NME7: variants seen among roughly 807,000 people sequenced by gnomAD.
The protein encoded by NME7 is nucleoside diphosphate kinase 7.
Under a neutral mutation model 49.1 loss-of-function variants are expected in NME7, and 41 were observed. The observed-to-expected ratio is 0.83, with a 90% CI of 0.65 to 1.08. The LOEUF (loss-of-function observed/expected upper bound fraction) is 1.08, where lower values mean the gene tolerates loss of function less well. NME7 is among the 50% of genes least tolerant of loss of function. The pLI is 0.00. For missense variants in NME7, 423 were observed against 463.4 expected (o/e 0.91, Z 0.80); for synonymous variants, 139 against 150.6 (o/e 0.92, Z 0.56).
chr1:169,260,014 A>C (rs1171498161), intron 7 of NME7, among the ~76,000 whole-genome samples: 2 of 133,802 alleles, frequency 1.5e-5, no homozygotes, highest in African/African-American at 5.1e-5. Flanking sequence ...CTGGTGAAAT[A>C]ACTGGGATGA....
intron 7 of NME7, among the ~76,000 whole-genome samples, chr1:169,273,167 T>C (rs1197664247): frequency 2.2e-5 from 3 of 133,384 alleles, no homozygotes; most frequent in African/African-American, 7.6e-5. Context: ...CATCAACCTA[T>C]CACATATAAT....
chr1:169,239,809 G>A (rs906579150), intron 7 of NME7, among the ~76,000 whole-genome samples: 1 of 152,006 alleles, frequency 6.6e-6, no homozygotes, highest in Non-Finnish European at 1.5e-5. Context: ...GTAAGGAGAT[G>A]TAAAACACCA....
intron 10 of NME7, among the ~76,000 whole-genome samples, chr1:169,225,905 C>T (rs1030145044): frequency 1.3e-5 from 2 of 152,162 alleles, no homozygotes; most frequent in Non-Finnish European, 2.9e-5. Flanking sequence ...TTAGGCTGAA[C>T]TTTCTTGTGA....
At chr1:169,352,994 A>G (rs903181896) in intron 1 of NME7, among the ~76,000 whole-genome samples, 2 of 152,128 alleles carry the variant, frequency 1.3e-5, no homozygotes, top group South Asian at 2.1e-4. Context: ...TACAGATTCA[A>G]TGCAATCACT....
At chr1:169,307,090 A>G (rs1651199659) in intron 4 of NME7, among the ~76,000 whole-genome samples, 1 of 152,210 alleles carries the variant, frequency 6.6e-6, no homozygotes, top group Non-Finnish European at 1.5e-5. Context: ...TGGTAAAACA[A>G]CTAAATAACA....
chr1:169,257,663 C>T (rs932932306), intron 7 of NME7, among the ~76,000 whole-genome samples: 2 of 134,182 alleles, frequency 1.5e-5, no homozygotes, highest in South Asian at 4.5e-4. Context: ...TATTCTGGTT[C>T]ATAATTGCCT....
intron 11 of NME7, chr1:169,169,009 ACCTG>A: frequency 2.3e-6 from 1 of 426,882 alleles, no homozygotes; most frequent in Non-Finnish European, 4.6e-6. Flanking sequence ...TGGTATAGTC[ACCTG>A]ATATAAAAAC....
chr1:169,278,565 G>C (rs138968532), intron 7 of NME7, among the ~76,000 whole-genome samples: 3,873 of 152,080 alleles, frequency 0.025, 142 homozygotes, highest in African/African-American at 0.087. Flanking sequence ...TCTCTGTATT[G>C]GTTATTCTAG....
intron 7 of NME7, among the ~76,000 whole-genome samples, chr1:169,250,441 T>TTTG (rs202074916): frequency 1.3e-5 from 2 of 152,016 alleles, no homozygotes; most frequent in African/African-American, 4.8e-5. Context: ...CTTTGGTATT[T>TTTG]TTGTTGTTGT....
intron 10 of NME7, among the ~76,000 whole-genome samples, chr1:169,188,847 T>C (rs529814490): frequency 9.2e-5 from 14 of 152,296 alleles, no homozygotes; most frequent in Non-Finnish European, 1.6e-4. Flanking sequence ...CTGGTAGTTA[T>C]TGAGGACAGT....
At chr1:169,244,098 T>C (rs1648207481) in intron 7 of NME7, among the ~76,000 whole-genome samples, 1 of 152,156 alleles carries the variant, frequency 6.6e-6, no homozygotes, top group East Asian at 1.9e-4. Flanking sequence ...AAACATCTGT[T>C]TGATCTTCTG....
chr1:169,149,272 C>T (rs982557121), intron 11 of NME7, among the ~76,000 whole-genome samples: 3 of 151,930 alleles, frequency 2.0e-5, no homozygotes, highest in Admixed American at 6.6e-5. Context: ...ACCTGGGAGG[C>T]GGAGGTTGCA....
intron 3 of NME7, 143 bp from the exon 4 acceptor site, chr1:169,310,223 TC>T: frequency 1.8e-6 from 1 of 547,606 alleles, no homozygotes. Context: ...ATTAAAGACA[TC>T]CCTTAAAAAC....
chr1:169,163,143 G>A (rs973529158), intron 11 of NME7, among the ~76,000 whole-genome samples: 1 of 152,160 alleles, frequency 6.6e-6, no homozygotes, highest in Non-Finnish European at 1.5e-5. Flanking sequence ...GATGAAGGAA[G>A]CAAGGAGAAA....
intron 1 of NME7, among the ~76,000 whole-genome samples, chr1:169,336,841 CAG>C (rs1472920305): frequency 6.6e-6 from 1 of 151,572 alleles, no homozygotes; most frequent in African/African-American, 2.4e-5. Flanking sequence ...CAGCTAGATA[CAG>C]AGTGTCGATT....
rs771450000 is a variant in NME7 at position 169,237,646 on chromosome 1, A to C, written c.796T>G (p.Phe266Val). Residue 266 changes from phenylalanine (F) to valine (V), a missense_variant, in exon 8 of 12, where the codon TTT (phenylalanine) becomes GTT (valine). Coordinates refer to ENST00000367811, the MANE Select transcript of NME7 (RefSeq NM_013330.5). Reference protein sequence around the residue: ...KILMAIRDAGFEISAMQMFNM... With the variant: ...KILMAIRDAGVEISAMQMFNM... ...ACCATCTGCATAGCTGAGATTTCAA[A>C]ACCTGCATCTCGGATAGCCATCAGG... 1 of 1,611,460 alleles carries C rather than the reference A, an allele frequency of 6.2e-7. No homozygotes were observed. The highest frequency in any genetic ancestry group is 8.5e-7 in the Non-Finnish European group (1 of 1,178,196).
chr1:169,353,104 G>C (rs1653239455), intron 1 of NME7, among the ~76,000 whole-genome samples: 1 of 151,776 alleles, frequency 6.6e-6, no homozygotes, highest in African/African-American at 2.4e-5. Context: ...TAAGTAAAAA[G>C]ATGAAAACTG....
chr1:169,156,154 C>CAAAAAAAAAAAAG (rs71121729), intron 11 of NME7, among the ~76,000 whole-genome samples: 1 of 135,912 alleles, frequency 7.4e-6, no homozygotes, highest in Non-Finnish European at 1.6e-5. Context: ...CCTGTCTCTA[C>CAAAAAAAAAAAAG]AAAAAAAAAT....
intron 10 of NME7, among the ~76,000 whole-genome samples, chr1:169,213,530 C>T (rs1321243781): frequency 2.0e-5 from 3 of 152,122 alleles, no homozygotes; most frequent in Non-Finnish European, 4.4e-5. Context: ...ATCAATAAGG[C>T]TGAACATATA....
Sources: gnomAD v4.1 joint callset for allele counts (sites outside exome capture counted in the v4.1 genomes callset) on GRCh38, gnomAD v4.1.1 for gene constraint, MANE v1.5 for transcripts, NCBI Gene and HGNC (gene_info 2026-07-23, HGNC 2026-07-21) for gene names.